SCN1B: variants seen among roughly 807,000 people sequenced by gnomAD.
The protein encoded by SCN1B is sodium channel regulatory subunit beta-1.
In SCN1B, 11 loss-of-function variants were observed where a neutral mutation model predicts 25.7. That is an observed-to-expected ratio of 0.43 (90% CI 0.27 to 0.71). The LOEUF is 0.71. Ranked by LOEUF, SCN1B falls within the 30% of genes least tolerant of loss-of-function variation. The pLI is 0.21. For missense variants in SCN1B, 224 were observed against 291.5 expected, an observed-to-expected ratio of 0.77 and a Z score of 1.69; for synonymous variants, 119 against 117.5, an observed-to-expected ratio of 1.01 and a Z score of -0.08.
chr19:35,039,653 C>T lies in SCN1B; in HGVS notation c.609C>T (p.Ile203=). 2.5e-6 allele frequency: 4 copies of T among 1,614,204 alleles called. No individual in the cohort carries two copies. The highest frequency in any genetic ancestry group is 3.4e-6 in the Non-Finnish European group (4 of 1,180,020). The change falls in exon 5 of 6, where the codon ATC becomes ATT. Residue 203 remains isoleucine (I), a synonymous_variant. Transcript: ENST00000262631. The part of the protein sequence containing the change: ...AQENASEYLA[I]TSESKENCTG... ...CCCACAGCTCGGAATACCTGGCCAT[C>T]ACCTCTGAAAGCAAAGAGAACTGCA... is the stretch of plus-strand genomic sequence containing the variant.
intron 3 of SCN1B, chr19:35,038,818 C>G (rs2064264018): frequency 2.2e-6 from 1 of 463,368 alleles, no homozygotes; most frequent in African/African-American, 2.0e-5. Context: ...CAAGGTCACA[C>G]AGCTGGCCAG....
intron 3 of SCN1B, 113 bp downstream of exon 3, chr19:35,033,852 C>T: frequency 1.2e-6 from 2 of 1,611,374 alleles, no homozygotes; most frequent in South Asian, 2.2e-5. Context: ...CAGCCAACCG[C>T]CCACAGCAGC....
Position 35,034,062 on chromosome 19 carries a change from G to T in SCN1B, c.448+323G>T. 6.4e-7 allele frequency: 1 copy of T among 1,551,444 alleles called. No homozygotes were observed. The highest frequency in any genetic ancestry group is 2.4e-5 in the East Asian group (1 of 40,918). On this transcript the variant is annotated intron_variant, in intron 3 of 5. Transcript: ENST00000262631. ...AAAGGGTTGTCCTGGGCTTGCCCGG[G>T]ATAATAATCCGATGTGTTTCTCGGG...
chr19:35,032,019 C>A lies in SCN1B; in HGVS notation c.41-509C>A, dbSNP rs1568348378. On this transcript the variant is annotated intron_variant, in intron 1 of 5. Transcript: ENST00000262631. The surrounding 1 kb of genome is among the most constrained non-coding windows in gnomAD (Gnocchi z 4.3). Reference sequence around the variant, plus strand: ...GTGTGGGTCAGCCCCGGTTTCAGTGCCCACCTCCCCACAATCCCCCACCCC... The same window carrying A: ...GTGTGGGTCAGCCCCGGTTTCAGTGACCACCTCCCCACAATCCCCCACCCC... Among the ~76,000 whole-genome samples the A allele has an allele frequency of 1.3e-5, 2 of 151,314 alleles. No homozygotes were observed. The highest frequency in any genetic ancestry group is 1.3e-4 in the Admixed American group (2 of 15,210).
rs539660062 is a variant in SCN1B at position 35,032,026 on chromosome 19, C to T, written c.41-502C>T. Among the ~76,000 whole-genome samples, 2 of 151,864 alleles carry T rather than the reference C, an allele frequency of 1.3e-5. No individual in the cohort carries two copies. Among genetic ancestry groups the T allele is most frequent in the South Asian group, 4.2e-4 (2 of 4,812 alleles). ...TCAGCCCCGGTTTCAGTGCCCACCT[C>T]CCCACAATCCCCCACCCCCAGACCT... is the stretch of plus-strand genomic sequence containing the variant. On this transcript the variant is annotated intron_variant, in intron 1 of 5. Coordinates refer to ENST00000262631, the MANE Select transcript of SCN1B (RefSeq NM_001037.5). The surrounding 1 kb of genome is among the most constrained non-coding windows in gnomAD (Gnocchi z 4.3).
In SCN1B at chr19:35,039,858, C is replaced by G. The variant is rs1305982679; in HGVS notation, c.*67C>G. 1.3e-6 allele frequency: 1 copy of G among 785,778 alleles called. No homozygotes were observed. Among genetic ancestry groups the G allele is most frequent in the African/African-American group, 1.7e-5 (1 of 58,400 alleles). The allele number at this position is 785,778 out of a possible 1,614,324, so 48.7% of individuals were successfully genotyped here. A position where few individuals can be genotyped will look rare whatever the true frequency, so the allele number is the denominator to read the frequency against. On this transcript the variant is annotated 3_prime_UTR_variant, in exon 6 of 6. Transcript: ENST00000262631. ...TGGGGACTCTCCAGGCACCGCCTGCCCCCAGCGTGGGGGTGGCCACTCCTG... is the reference window on the plus strand; with the variant it reads ...TGGGGACTCTCCAGGCACCGCCTGCGCCCAGCGTGGGGGTGGCCACTCCTG...
rs2064221304 is a variant in SCN1B, at chr19:35,032,609, T to G, written c.122T>G (p.Ile41Ser). The G allele has an allele frequency of 6.2e-7, 1 of 1,614,112 alleles. No individual in the cohort carries two copies. The highest frequency in any genetic ancestry group is 8.5e-7 in the Non-Finnish European group (1 of 1,180,040). ...VYGMTFKILC[I>S]SCKRRSETNA... ...GGGATGACCTTCAAAATTCTTTGCA[T>G]CTCCTGCAAGCGCCGCAGCGAGACC... Residue 41 changes from isoleucine (I) to serine (S), a missense_variant, in exon 2 of 6, where the codon ATC becomes AGC. Ile to Ser is a moderately radical substitution (Grantham distance 142). Transcript: ENST00000262631. This position sits in a 1 kb window ranked among gnomAD's most constrained non-coding sequence, Gnocchi z 4.3.
In SCN1B at chr19:35,039,886, C is replaced by T. The variant is rs2151749231; in HGVS notation, c.*95C>T. On this transcript the variant is annotated 3_prime_UTR_variant, in exon 6 of 6. Coordinates refer to ENST00000262631, the MANE Select transcript of SCN1B (RefSeq NM_001037.5). ...CAGCGTGGGGGTGGCCACTCCTGGG[C>T]CCCAGAAAGCCTCAGAGTCCTGCCG... is the stretch of plus-strand genomic sequence containing the variant. 2 of 648,058 alleles carry T rather than the reference C, an allele frequency of 3.1e-6. No individual in the cohort carries two copies. Among genetic ancestry groups the T allele is most frequent in the Non-Finnish European group, 5.4e-6 (2 of 373,362 alleles). The allele number at this position is 648,058 out of a possible 1,614,324, so 40.1% of individuals were successfully genotyped here. A position where few individuals can be genotyped will look rare whatever the true frequency, so the allele number is the denominator to read the frequency against.
At position 35,039,485 on chromosome 19, in the gene SCN1B, A is replaced by G. The variant is rs61457558; in HGVS notation, c.591-150A>G. ...CCCAGGCTCCCAGCCAGATTCCTCA[A>G]AGACCCTGAGGAGTCCACCCATAGA... On this transcript the variant is annotated intron_variant, in intron 4 of 5. Coordinates refer to ENST00000262631, the MANE Select transcript of SCN1B (RefSeq NM_001037.5). 5.1e-3 allele frequency: 5,113 copies of G among 999,150 alleles called. 159 individuals carry two copies. The African/African-American group carries it at 0.072, about 14-fold the overall frequency. The allele number at this position is 999,150 out of a possible 1,614,324, so 61.9% of individuals were successfully genotyped here.
At position 35,030,503 on chromosome 19, in the gene SCN1B, C is replaced by A. The variant is rs1018468188; in HGVS notation, c.-318C>A. On this transcript the variant is annotated 5_prime_UTR_variant, in exon 1 of 6. Coordinates refer to ENST00000262631, the MANE Select transcript of SCN1B (RefSeq NM_001037.5). ...GGAGACCGCGGTCCGCGCCCGAGCG[C>A]GCCCGAGCCGGAGCGGGACCGGGGT... is the stretch of plus-strand genomic sequence containing the variant. 40 of 166,870 alleles carry A rather than the reference C, an allele frequency of 2.4e-4. No homozygotes were observed. The highest frequency in any genetic ancestry group is 9.8e-4 in the Admixed American group (15 of 15,264). 10.3% of individuals were successfully genotyped at this position (166,870 alleles called of 1,614,324 possible). A position where few individuals can be genotyped will look rare whatever the true frequency, so the allele number is the denominator to read the frequency against.
intron 3 of SCN1B, chr19:35,036,109 C>G (rs546621704): frequency 1.3e-5 from 2 of 151,426 alleles, no homozygotes; most frequent in South Asian, 4.2e-4. Flanking sequence ...CTCAAATAAT[C>G]TTCCCTCCTT....
At chr19:35,039,079 GCCTGGGCTACCC>G (rs1379746646) in intron 3 of SCN1B, 26 bp from the exon 4 acceptor site, 2 of 1,613,516 alleles carry the variant, frequency 1.2e-6, no homozygotes, top group Non-Finnish European at 1.7e-6. Flanking sequence ...CTGTCATGCA[GCCTGGGCTACCC>G]CCTTAACCCT....
intron 5 of SCN1B, 41 bp from the exon 6 acceptor site, chr19:35,039,756 T>A: frequency 6.4e-7 from 1 of 1,555,884 alleles, no homozygotes; most frequent in Non-Finnish European, 8.9e-7. Context: ...GGGGCCGAAG[T>A]CCCCCAGGTC....
Position 35,039,698 on chromosome 19 carries a change from A to T in SCN1B, c.654A>T (p.Glu218Asp), listed in dbSNP as rs776822189. ...ACTGCACGGGCGTCCAGGTGGCCGA[A>T]TAGCCCTGGTAAGGCGGATGGGCTG... ...KENCTGVQVAE is the reference protein window; with the variant it reads ...KENCTGVQVAD The change falls in exon 5 of 6, where the codon GAA (glutamate) becomes GAT (aspartate). Residue 218 changes from glutamate to aspartate, a missense_variant. Glu to Asp is a conservative substitution (Grantham distance 45, BLOSUM62 2). Coordinates refer to ENST00000262631, the MANE Select transcript of SCN1B (RefSeq NM_001037.5). 6.2e-7 allele frequency: 1 copy of T among 1,614,186 alleles called. No individual in the cohort carries two copies. Among genetic ancestry groups the T allele is most frequent in the East Asian group, 2.2e-5 (1 of 44,868 alleles).
intron 3 of SCN1B, chr19:35,036,012 G>C (rs1234227344): frequency 6.6e-6 from 1 of 151,110 alleles, no homozygotes; most frequent in Non-Finnish European, 1.5e-5. Context: ...GGGACTACAG[G>C]TGTGAGCCAC....
rs72550271 is a variant in SCN1B at position 35,033,362 on chromosome 19, CT to C, written c.208-136del. 0.032 allele frequency: 49,021 copies of C among 1,532,784 alleles called. 922 individuals carry two copies. The highest frequency in any genetic ancestry group is 0.038 in the Non-Finnish European group (42,885 of 1,143,390). 94.9% of individuals were successfully genotyped at this position (1,532,784 alleles called of 1,614,324 possible). On this transcript the variant is annotated intron_variant, in intron 2 of 5. Transcript: ENST00000262631. ...CTAGCCCCCCACCCCTGTGCCCTCC[CT>C]GCCTGAGGTCAAGGTGTCTGAGCCC...
At chr19:35,039,527 C>T in intron 4 of SCN1B, 108 bp from the exon 5 acceptor site, 1 of 1,161,702 alleles carries the variant, frequency 8.6e-7, no homozygotes, top group Non-Finnish European at 1.3e-6. Flanking sequence ...CTCTCTCTAA[C>T]TAAGGAGCCC....
chr19:35,033,037 C>G (rs988484507), intron 2 of SCN1B, among the ~76,000 whole-genome samples: 2 of 152,156 alleles, frequency 1.3e-5, no homozygotes, highest in Admixed American at 1.3e-4. Flanking sequence ...ATAGTCATTA[C>G]GGAGGGAAGA....
Position 35,032,455 on chromosome 19 carries a change from T to C in SCN1B, c.41-73T>C. On this transcript the variant is annotated intron_variant, in intron 1 of 5. Coordinates refer to ENST00000262631, the MANE Select transcript of SCN1B (RefSeq NM_001037.5). This position sits in a 1 kb window ranked among gnomAD's most constrained non-coding sequence, Gnocchi z 4.3. ...TGGTAATCATTGAGGGGGGAACAGA[T>C]GGTTTGTGAGGGGTCTGGCATTGCT... is the stretch of plus-strand genomic sequence containing the variant. 1 of 1,554,296 alleles carries C rather than the reference T, an allele frequency of 6.4e-7. No individual in the cohort carries two copies. Among genetic ancestry groups the C allele is most frequent in the Non-Finnish European group, 8.8e-7 (1 of 1,134,544 alleles).
Sources: gnomAD v4.1 joint callset for allele counts (sites outside exome capture counted in the v4.1 genomes callset) on GRCh38, gnomAD v4.1.1 for gene constraint, Gnocchi (gnomAD v3.1) non-coding constraint, MANE v1.5 for transcripts, NCBI Gene and HGNC (gene_info 2026-07-23, HGNC 2026-07-21) for gene names.